Variants in SCHIP1 observed in about 807,000 individuals in gnomAD.
SCHIP1 encodes schwannomin interacting protein 1.
A neutral mutation model predicts 29.7 loss-of-function variants in SCHIP1; 8 were observed. That is an observed-to-expected ratio of 0.27 (90% CI 0.16 to 0.49). SCHIP1 has a LOEUF of 0.49. SCHIP1 is among the 20% of genes least tolerant of loss of function. SCHIP1 has a pLI of 0.99. For synonymous variants in SCHIP1, 76 were observed against 94.9 expected (o/e 0.80, Z 1.16); for missense variants, 193 against 294.6 (o/e 0.66, Z 2.52).
the SCHIP1 span, among the ~76,000 whole-genome samples, chr3:159,423,665 C>T: frequency 3.9e-5 from 6 of 152,056 alleles, no homozygotes; most frequent in Non-Finnish European, 8.8e-5. Flanking sequence ...GTAACCTCCG[C>T]AGACTTAAAT....
At chr3:159,550,626 CAT>C in the SCHIP1 span, among the ~76,000 whole-genome samples, 2 of 151,998 alleles carry the variant, frequency 1.3e-5, no homozygotes, top group African/African-American at 2.4e-5. Flanking sequence ...TTTAAAATAA[CAT>C]AGAGTTATAT....
At chr3:159,311,583 C>T in the SCHIP1 span, among the ~76,000 whole-genome samples, 91 of 152,074 alleles carry the variant, frequency 6.0e-4, no homozygotes, top group African/African-American at 9.2e-4. Context: ...TAATATATTA[C>T]GTAATATACA....
chr3:159,826,836 C>T, the SCHIP1 span, among the ~76,000 whole-genome samples: 1 of 152,146 alleles, frequency 6.6e-6, no homozygotes, highest in Non-Finnish European at 1.5e-5. Context: ...TGCTATTCAC[C>T]AGGGAAAACT....
At chr3:159,820,945 C>G in the SCHIP1 span, among the ~76,000 whole-genome samples, 2 of 152,230 alleles carry the variant, frequency 1.3e-5, no homozygotes, top group Non-Finnish European at 2.9e-5. Context: ...ACAACAGCCA[C>G]TAGACACATG....
chr3:159,466,498 G>C, the SCHIP1 span, among the ~76,000 whole-genome samples: 3 of 152,044 alleles, frequency 2.0e-5, no homozygotes, highest in Non-Finnish European at 4.4e-5. Context: ...GCCCTGAAAA[G>C]GTACCTATCA....
the SCHIP1 span, among the ~76,000 whole-genome samples, chr3:159,432,822 G>A: frequency 6.6e-6 from 1 of 152,104 alleles, no homozygotes; most frequent in Non-Finnish European, 1.5e-5. Context: ...GGGAGGGAGC[G>A]GATGCATCAG....
chr3:159,815,641 G>C, the SCHIP1 span, among the ~76,000 whole-genome samples: 1 of 152,280 alleles, frequency 6.6e-6, no homozygotes, highest in Non-Finnish European at 1.5e-5. Context: ...GAAGACAGTA[G>C]GAGAATAAAT....
At chr3:159,767,591 T>C in the SCHIP1 span, among the ~76,000 whole-genome samples, 2 of 152,218 alleles carry the variant, frequency 1.3e-5, no homozygotes, top group Non-Finnish European at 2.9e-5. Flanking sequence ...TACACACCAC[T>C]AGGAATGGGG....
At chr3:159,515,773 CTTTA>C in the SCHIP1 span, among the ~76,000 whole-genome samples, 1 of 152,058 alleles carries the variant, frequency 6.6e-6, no homozygotes, top group Admixed American at 6.6e-5. Context: ...TCACTGATTT[CTTTA>C]TTCTTTATTG....
At chr3:159,327,099 T>C in the SCHIP1 span, among the ~76,000 whole-genome samples, 1 of 152,208 alleles carries the variant, frequency 6.6e-6, no homozygotes, top group Non-Finnish European at 1.5e-5. Context: ...AAAATTTCCC[T>C]AGTAAAGGAA....
chr3:159,639,307 C>T, the SCHIP1 span, among the ~76,000 whole-genome samples: 1 of 151,964 alleles, frequency 6.6e-6, no homozygotes, highest in African/African-American at 2.4e-5. Flanking sequence ...TTGGAAAATC[C>T]TTTTTCACGT....
At chr3:159,712,156 T>C in the SCHIP1 span, among the ~76,000 whole-genome samples, 2 of 152,192 alleles carry the variant, frequency 1.3e-5, no homozygotes, top group Non-Finnish European at 2.9e-5. Flanking sequence ...CCAGGACTGC[T>C]GCCTTTTAAA....
chr3:159,785,268 A>G, the SCHIP1 span, among the ~76,000 whole-genome samples: 24 of 152,248 alleles, frequency 1.6e-4, no homozygotes, highest in African/African-American at 5.8e-4. Context: ...ATGATTAAGT[A>G]TTATTCATTT....
the SCHIP1 span, among the ~76,000 whole-genome samples, chr3:159,489,975 GAA>G: frequency 1.3e-5 from 2 of 152,132 alleles, no homozygotes; most frequent in African/African-American, 4.8e-5. Context: ...CCTCTGGAGA[GAA>G]GAGGGGCTGA....
the SCHIP1 span, among the ~76,000 whole-genome samples, chr3:159,570,214 T>C: frequency 1.1e-4 from 17 of 152,350 alleles, no homozygotes; most frequent in African/African-American, 3.8e-4. Flanking sequence ...CTGAAGTCCT[T>C]GCCCATGCCT....
chr3:159,371,584 A>G, the SCHIP1 span, among the ~76,000 whole-genome samples: 1 of 152,310 alleles, frequency 6.6e-6, no homozygotes, highest in Non-Finnish European at 1.5e-5. Flanking sequence ...GTGCTTTGCA[A>G]ATTAATGCAA....
intron 1 of SCHIP1, among the ~76,000 whole-genome samples, chr3:159,848,556 C>T (rs1712150518): frequency 6.6e-6 from 1 of 151,984 alleles, no homozygotes; most frequent in African/African-American, 2.4e-5. Flanking sequence ...GCCACCCTGC[C>T]TGGAAATGTG....
the SCHIP1 span, among the ~76,000 whole-genome samples, chr3:159,705,259 C>T: frequency 5.3e-5 from 8 of 152,036 alleles, no homozygotes; most frequent in East Asian, 5.8e-4. Flanking sequence ...CCACGGTGCC[C>T]GGACAACAAT....
chr3:159,838,081 G>A (rs1286710902), upstream of SCHIP1, among the ~76,000 whole-genome samples: 1 of 152,114 alleles, frequency 6.6e-6, no homozygotes, highest in Non-Finnish European at 1.5e-5. Flanking sequence ...AGCCTCTGAG[G>A]ATACCAGGAG....
Sources: gnomAD v4.1 joint callset for allele counts (sites outside exome capture counted in the v4.1 genomes callset) on GRCh38, gnomAD v4.1.1 for gene constraint, MANE v1.5 for transcripts, NCBI Gene and HGNC (gene_info 2026-07-23, HGNC 2026-07-21) for gene names.